Variants in CHID1 observed in about 807,000 individuals in gnomAD.
CHID1 encodes the protein chitinase domain containing 1.
CHID1 carries 44 observed loss-of-function variants against 55.4 expected under a neutral mutation model. The observed-to-expected ratio is 0.79, with a 90% CI of 0.62 to 1.02. The LOEUF (loss-of-function observed/expected upper bound fraction) is 1.02. Among genes scored for constraint, CHID1 ranks in the 50% least tolerant of loss-of-function variants. The probability of loss-of-function intolerance (pLI) is 0.00; values close to 1 mark genes in which losing one functional copy is unlikely to be tolerated. For synonymous variants in CHID1, 216 were observed against 212.9 expected (o/e 1.01, Z -0.13); for missense variants, 491 against 515.3 (o/e 0.95, Z 0.46).
intron 1 of CHID1, among the ~76,000 whole-genome samples, chr11:910,277 G>A (rs558259893): frequency 1.3e-4 from 20 of 152,184 alleles, no homozygotes; most frequent in Admixed American, 9.8e-4. Flanking sequence ...CGGGGACCGC[G>A]TGCCCCTCAC....
intron 4 of CHID1, 51 bp downstream of exon 4, chr11:902,147 C>T: frequency 3.7e-6 from 6 of 1,607,802 alleles, no homozygotes; most frequent in Non-Finnish European, 5.1e-6. Context: ...CTCGCACTCA[C>T]ACTCTTTTCA....
chr11:870,404 C>T lies in CHID1; in HGVS notation c.1040+15G>A. 2 of 1,603,488 alleles carry T rather than the reference C, an allele frequency of 1.2e-6. No homozygotes were observed. The highest frequency in any genetic ancestry group is 2.2e-5 in the East Asian group (1 of 44,664). Reference sequence around the variant, plus strand: ...ACACAAGGCCAAGGTGGGCCACGCACTTCAAAACACTCACTTCTTGTACTC... The same window carrying T: ...ACACAAGGCCAAGGTGGGCCACGCATTTCAAAACACTCACTTCTTGTACTC... On this transcript the variant is annotated intron_variant, in intron 11 of 12. Transcript: ENST00000323578.
Position 902,384 on chromosome 11 carries a change from A to AC in CHID1, c.262-55dup. 9 of 1,587,956 alleles carry AC rather than the reference A, an allele frequency of 5.7e-6. No individual in the cohort carries two copies. The South Asian group carries it at 8.9e-5, about 16-fold the overall frequency. ...GGACAGGTGAGTGAGCACCTGTCTC[A>AC]CCATGGTGCTGTCATTCTGGCGCCT... On this transcript the variant is annotated intron_variant, in intron 3 of 12. Transcript: ENST00000323578.
intron 7 of CHID1, among the ~76,000 whole-genome samples, chr11:896,698 C>G (rs1239873276): frequency 7.5e-6 from 1 of 134,212 alleles, no homozygotes; most frequent in African/African-American, 2.9e-5. Flanking sequence ...ATGAGGCTGT[C>G]TCAGCACCCC....
chr11:908,635 T>C, intron 1 of CHID1: 1 of 985,216 alleles, frequency 1.0e-6, no homozygotes, highest in Non-Finnish European at 1.2e-6. Context: ...CTCTGTCTTC[T>C]GGGTGGAAAT....
chr11:898,965 G>GA (rs1159447256), intron 7 of CHID1, among the ~76,000 whole-genome samples: 2 of 152,222 alleles, frequency 1.3e-5, no homozygotes, highest in African/African-American at 4.8e-5. Context: ...GAAGCTCAGT[G>GA]AGGAGTTTCT....
At chr11:913,630 G>A (rs530260392), upstream of CHID1, among the ~76,000 whole-genome samples, 3 of 151,504 alleles carry the variant, frequency 2.0e-5, no homozygotes, top group Non-Finnish European at 2.9e-5. Context: ...AAAAGTAGCC[G>A]GGCTTGGTGA....
At chr11:906,386 G>C (rs1201007197) in intron 1 of CHID1, among the ~76,000 whole-genome samples, 1 of 151,984 alleles carries the variant, frequency 6.6e-6, no homozygotes, top group Non-Finnish European at 1.5e-5. Flanking sequence ...TTATAGGCGC[G>C]TGCCACCACA....
chr11:898,768 G>A (rs893008709), intron 7 of CHID1, among the ~76,000 whole-genome samples: 2 of 152,210 alleles, frequency 1.3e-5, no homozygotes, highest in Non-Finnish European at 2.9e-5. Flanking sequence ...GTGGGAACCC[G>A]CGAGGGTCAT....
At chr11:883,972 G>C in intron 9 of CHID1, 96 bp downstream of exon 9, 1 of 950,470 alleles carries the variant, frequency 1.1e-6, no homozygotes, top group Non-Finnish European at 1.7e-6. Flanking sequence ...CCACAGGCAA[G>C]AGGGCATCAG....
At chr11:883,890 T>C (rs549717205) in intron 9 of CHID1, among the ~76,000 whole-genome samples, 178 bp downstream of exon 9, 1 of 152,300 alleles carries the variant, frequency 6.6e-6, no homozygotes, top group Admixed American at 6.5e-5. Flanking sequence ...CCACAGGGCA[T>C]GGGGCAGGTG....
At chr11:882,023 A>G (rs1292388703) in intron 10 of CHID1, among the ~76,000 whole-genome samples, 1 of 149,852 alleles carries the variant, frequency 6.7e-6, no homozygotes, top group African/African-American at 2.5e-5. Flanking sequence ...AAAAAAAAAG[A>G]AAACAGAGAA....
At chr11:901,740 C>G (rs189548575) in intron 4 of CHID1, among the ~76,000 whole-genome samples, 1 of 152,310 alleles carries the variant, frequency 6.6e-6, no homozygotes, top group East Asian at 1.9e-4. Context: ...ACACGCAGAC[C>G]TGGGCGGAAC....
intron 10 of CHID1, among the ~76,000 whole-genome samples, chr11:873,639 C>T (rs548616222): frequency 9.2e-5 from 14 of 152,058 alleles, no homozygotes; most frequent in Non-Finnish European, 1.3e-4. Flanking sequence ...ACGGACAGCT[C>T]GGCCTCACAG....
chr11:900,987 G>T lies in CHID1; in HGVS notation c.395-7C>A. 1.3e-6 allele frequency: 2 copies of T among 1,598,278 alleles called. No individual in the cohort carries two copies. Among genetic ancestry groups the T allele is most frequent in the Non-Finnish European group, 1.7e-6 (2 of 1,173,186 alleles). Reference sequence around the variant, plus strand: ...CTGACAGCTCGCATCCACCCTGTGGGACATGGAGGGGACAGTCAACACAGG... The same window carrying T: ...CTGACAGCTCGCATCCACCCTGTGGTACATGGAGGGGACAGTCAACACAGG... On this transcript the variant is annotated splice_polypyrimidine_tract_variant and splice_region_variant and intron_variant, in intron 4 of 12. Transcript: ENST00000323578.
upstream of CHID1, chr11:914,656 A>G (rs995882543): frequency 2.2e-6 from 2 of 908,286 alleles, no homozygotes; most frequent in African/African-American, 3.4e-5. Context: ...CCAGGACATC[A>G]AGGCTGCAGT....
intron 2 of CHID1, among the ~76,000 whole-genome samples, chr11:904,245 C>T (rs528297769): frequency 1.3e-5 from 2 of 152,296 alleles, no homozygotes; most frequent in South Asian, 2.1e-4. Flanking sequence ...GTCTGGCCAG[C>T]GGCATGGGGA....
intron 7 of CHID1, 89 bp from the exon 8 acceptor site, chr11:893,608 G>A (rs1404699375): frequency 9.2e-7 from 1 of 1,081,546 alleles, no homozygotes. Flanking sequence ...GGGAGGGGTG[G>A]GGCTGGTCCC....
chr11:894,211 C>T (rs1851084015), intron 7 of CHID1, among the ~76,000 whole-genome samples: 1 of 151,370 alleles, frequency 6.6e-6, no homozygotes, highest in Non-Finnish European at 1.5e-5. Context: ...AGGGTGGCCG[C>T]AGGGCACTCC....
Sources: allele counts gnomAD v4.1 joint callset (sites outside exome capture counted in the v4.1 genomes callset), GRCh38; gene constraint gnomAD v4.1.1; transcripts MANE v1.5; gene names NCBI Gene and HGNC (gene_info 2026-07-23, HGNC 2026-07-21).